The following KCNK13 variants were observed in gnomAD, a reference collection of about 807,000 sequenced individuals.
The protein encoded by KCNK13 is potassium channel subfamily K member 13.
A neutral mutation model predicts 23.4 loss-of-function variants in KCNK13; 12 were observed. The ratio of observed to expected loss-of-function variants is 0.51; its 90% CI spans 0.33 to 0.83. The LOEUF (loss-of-function observed/expected upper bound fraction) is 0.83, where lower values mean the gene tolerates loss of function less well. KCNK13 is among the 40% of genes least tolerant of loss of function. The probability of loss-of-function intolerance (pLI) is 0.02; values close to 1 mark genes in which losing one functional copy is unlikely to be tolerated. For missense variants in KCNK13, 463 were observed against 556.3 expected, an observed-to-expected ratio of 0.83 and a Z score of 1.69; for synonymous variants, 231 against 229.5, an observed-to-expected ratio of 1.01 and a Z score of -0.06.
intron 1 of KCNK13, among the ~76,000 whole-genome samples, chr14:90,159,255 T>C (rs1420410998): frequency 6.6e-6 from 1 of 152,188 alleles, no homozygotes; most frequent in Non-Finnish European, 1.5e-5. Flanking sequence ...CTCCCAACAC[T>C]GTTGCTTTGG....
At chr14:90,094,129 G>A (rs1199273710) in intron 1 of KCNK13, among the ~76,000 whole-genome samples, 1 of 152,142 alleles carries the variant, frequency 6.6e-6, no homozygotes, top group Non-Finnish European at 1.5e-5. Context: ...TCCCCTGTGT[G>A]TGCCTGCACC....
intron 1 of KCNK13, among the ~76,000 whole-genome samples, chr14:90,091,524 A>C (rs1889343295): frequency 6.6e-6 from 1 of 152,204 alleles, no homozygotes; most frequent in East Asian, 1.9e-4. Flanking sequence ...AGCATCTCTA[A>C]GGTCTTGTTG....
intron 1 of KCNK13, among the ~76,000 whole-genome samples, chr14:90,168,312 A>G (rs1260154109): frequency 6.6e-6 from 1 of 152,098 alleles, no homozygotes; most frequent in African/African-American, 2.4e-5. Flanking sequence ...TTGAGGCTGC[A>G]GTGAGCTGAG....
At chr14:90,168,697 A>C (rs1219246479) in intron 1 of KCNK13, among the ~76,000 whole-genome samples, 1 of 152,222 alleles carries the variant, frequency 6.6e-6, no homozygotes, top group Admixed American at 6.5e-5. Context: ...CAAGCTCCTC[A>C]GGGGATTTCT....
intron 1 of KCNK13, among the ~76,000 whole-genome samples, chr14:90,147,888 G>A (rs1890090448): frequency 6.6e-6 from 1 of 152,060 alleles, no homozygotes; most frequent in Non-Finnish European, 1.5e-5. Context: ...ATGTTTATAG[G>A]AGCCGGGCAT....
At chr14:90,094,584 C>T (rs1355043219) in intron 1 of KCNK13, among the ~76,000 whole-genome samples, 1 of 151,738 alleles carries the variant, frequency 6.6e-6, no homozygotes, top group Non-Finnish European at 1.5e-5. Context: ...CACAGCACCA[C>T]TGGGTTTATT....
Position 90,109,000 on chromosome 14 carries a change from C to G in KCNK13, c.334+46461C>G, listed in dbSNP as rs548097881. 3.0e-4 allele frequency among the ~76,000 whole-genome samples: 45 copies of G among 152,064 alleles called. No homozygotes were observed. The East Asian group carries it at 7.6e-3, about 26-fold the overall frequency. On this transcript the variant is annotated intron_variant, in intron 1 of 1. Coordinates refer to ENST00000282146, the MANE Select transcript of KCNK13 (RefSeq NM_022054.4). ...GACCATCCTGGCTAACACGGTGAAA[C>G]CCCGTCTCTACTAAAAATACAAAAA...
chr14:90,144,021 C>T (rs1454346338), intron 1 of KCNK13, among the ~76,000 whole-genome samples: 1 of 152,174 alleles, frequency 6.6e-6, no homozygotes, highest in African/African-American at 2.4e-5. Flanking sequence ...TAACATTGTT[C>T]TTTTTCAAAG....
intron 1 of KCNK13, among the ~76,000 whole-genome samples, chr14:90,161,721 A>C (rs947281027): frequency 3.9e-5 from 6 of 152,224 alleles, no homozygotes; most frequent in Admixed American, 6.5e-5. Flanking sequence ...ATGTAAGGCA[A>C]CCCTAATCAC....
At chr14:90,136,706 T>G (rs1889940880) in intron 1 of KCNK13, among the ~76,000 whole-genome samples, 1 of 152,098 alleles carries the variant, frequency 6.6e-6, no homozygotes, top group Non-Finnish European at 1.5e-5. Flanking sequence ...TGTCCTGTTG[T>G]CTGGCTGGAA....
chr14:90,179,221 A>G (rs185839010), intron 1 of KCNK13, among the ~76,000 whole-genome samples: 123 of 152,334 alleles, frequency 8.1e-4, no homozygotes, highest in African/African-American at 2.9e-3. Context: ...GGATGGGAGA[A>G]GCATGGTTGA....
At chr14:90,101,517 C>A (rs1041681269) in intron 1 of KCNK13, among the ~76,000 whole-genome samples, 2 of 151,822 alleles carry the variant, frequency 1.3e-5, no homozygotes, top group South Asian at 2.1e-4. Context: ...CACCAGTTGG[C>A]CGGGTGTGGT....
Position 90,184,221 on chromosome 14 carries a change from C to T in KCNK13, c.445C>T (p.Leu149=), listed in dbSNP as rs1461758782. ...ILFFNLFLER[L]ITIIAYIMKS... is the part of the protein sequence containing the mutation. ...GTTCTTCAACCTCTTCCTGGAGCGCCTGATCACCATCATCGCCTACATCAT... is the reference window on the plus strand; with the variant it reads ...GTTCTTCAACCTCTTCCTGGAGCGCTTGATCACCATCATCGCCTACATCAT... The change falls in exon 2 of 2, where the codon CTG becomes TTG. Residue 149 remains leucine, a synonymous_variant. Coordinates refer to ENST00000282146, the MANE Select transcript of KCNK13 (RefSeq NM_022054.4). The surrounding 1 kb of genome is among the most constrained non-coding windows in gnomAD (Gnocchi z 5.6). 31 of 1,614,130 alleles carry T rather than the reference C, an allele frequency of 1.9e-5. No individual in the cohort carries two copies. The highest frequency in any genetic ancestry group is 2.6e-5 in the Non-Finnish European group (31 of 1,180,054).
intron 1 of KCNK13, among the ~76,000 whole-genome samples, chr14:90,069,153 C>T (rs1889045019): frequency 6.7e-6 from 1 of 149,090 alleles, no homozygotes; most frequent in African/African-American, 2.5e-5. Context: ...TCTCTTGCCT[C>T]AGCCTCCTGA....
intron 1 of KCNK13, among the ~76,000 whole-genome samples, chr14:90,143,640 A>G (rs1176084228): frequency 6.6e-6 from 1 of 152,188 alleles, no homozygotes; most frequent in African/African-American, 2.4e-5. Flanking sequence ...TAAATTTAGT[A>G]GAGTTTAATT....
intron 1 of KCNK13, among the ~76,000 whole-genome samples, chr14:90,096,195 C>T (rs911198482): frequency 1.3e-5 from 2 of 152,076 alleles, no homozygotes; most frequent in African/African-American, 4.8e-5. Context: ...AACCATTGGC[C>T]ATTGGTGATC....
intron 1 of KCNK13, among the ~76,000 whole-genome samples, chr14:90,178,791 A>G (rs1021303962): frequency 6.6e-6 from 1 of 152,192 alleles, no homozygotes; most frequent in Non-Finnish European, 1.5e-5. Context: ...GCCTCTGCAT[A>G]TAAGAACACT....
intron 1 of KCNK13, among the ~76,000 whole-genome samples, chr14:90,140,341 C>T (rs922030210): frequency 6.6e-6 from 1 of 152,126 alleles, no homozygotes; most frequent in Non-Finnish European, 1.5e-5. Flanking sequence ...AGTCCTACCA[C>T]GCATCAAAAA....
intron 1 of KCNK13, among the ~76,000 whole-genome samples, chr14:90,156,396 T>C (rs1890195569): frequency 6.6e-6 from 1 of 151,702 alleles, no homozygotes; most frequent in African/African-American, 2.4e-5. Flanking sequence ...GAGAAGACAG[T>C]GACTTAGGAA....
Sources: allele counts gnomAD v4.1 joint callset (sites outside exome capture counted in the v4.1 genomes callset), GRCh38; gene constraint gnomAD v4.1.1; non-coding constraint Gnocchi (gnomAD v3.1); transcripts MANE v1.5; gene names NCBI Gene and HGNC (gene_info 2026-07-23, HGNC 2026-07-21).